Variants in DBH observed in about 807,000 individuals in gnomAD.
DBH encodes dopamine beta-hydroxylase.
DBH carries 49 observed loss-of-function variants against 64.0 expected under a neutral mutation model. That is an observed-to-expected ratio of 0.77 (90% CI 0.61 to 0.97). The LOEUF is 0.97. Among genes scored for constraint, DBH ranks in the 50% least tolerant of loss-of-function variants. The pLI is 0.00. For synonymous variants in DBH, 343 were observed against 347.1 expected (o/e 0.99, Z 0.13); for missense variants, 828 against 826.6 (o/e 1.00, Z -0.02).
intron 1 of DBH, among the ~76,000 whole-genome samples, chr9:133,638,625 C>G (rs149770467): frequency 1.8e-3 from 280 of 152,072 alleles, no homozygotes; most frequent in African/African-American, 6.4e-3. Context: ...GTGTGAGAGT[C>G]AGGTGGAGGA....
chr9:133,643,695 C>T lies in DBH; in HGVS notation c.921+106C>T. ...GTCTCAGAGGCTTCAAGAAGGGGCT[C>T]CCAAGGGGGCTCACGAGGCCACCAG... On this transcript the variant is annotated intron_variant, in intron 4 of 11. Coordinates refer to ENST00000393056, the MANE Select transcript of DBH (RefSeq NM_000787.4). The surrounding 1 kb of genome is among the most constrained non-coding windows in gnomAD (Gnocchi z 5.3). The T allele has an allele frequency of 7.4e-7, 1 of 1,351,142 alleles. No homozygotes were observed. The highest frequency in any genetic ancestry group is 1.0e-6 in the Non-Finnish European group (1 of 977,296). The allele number at this position is 1,351,142 out of a possible 1,614,324, so 83.7% of individuals were successfully genotyped here. A position where few individuals can be genotyped will look rare whatever the true frequency, so the allele number is the denominator to read the frequency against.
At chr9:133,647,352 C>T (rs943079943) in intron 5 of DBH, among the ~76,000 whole-genome samples, 1 of 152,220 alleles carries the variant, frequency 6.6e-6, no homozygotes, top group Non-Finnish European at 1.5e-5. Context: ...GTTCCATGCC[C>T]TCTTCTTTGC....
rs766830763 is a variant in DBH, at chr9:133,636,633, G to C, written c.262G>C (p.Gly88Arg). 3 of 1,613,088 alleles carry C rather than the reference G, an allele frequency of 1.9e-6. No homozygotes were observed. Among genetic ancestry groups the C allele is most frequent in the Non-Finnish European group, 8.5e-7 (1 of 1,180,020 alleles). Residue 88 changes from glycine to arginine, a missense_variant, in exon 1 of 12, where the codon GGG becomes CGG. Gly to Arg is a moderately radical substitution (Grantham distance 125). Coordinates refer to ENST00000393056, the MANE Select transcript of DBH (RefSeq NM_000787.4). ...VRRLKAGVLFGMSDRGELENA... is the reference protein window; with the variant it reads ...VRRLKAGVLFRMSDRGELENA... ...GAGGCTCAAGGCTGGCGTCCTGTTT[G>C]GGATGTCCGACCGTGGCGAGCTTGA... is the stretch of plus-strand genomic sequence containing the variant.
chr9:133,648,209 C>T (rs527690097), intron 6 of DBH, among the ~76,000 whole-genome samples, 197 bp downstream of exon 6: 5 of 152,328 alleles, frequency 3.3e-5, no homozygotes, highest in African/African-American at 1.2e-4. Flanking sequence ...GTATGCACCT[C>T]CCTCTCCAGC....
At chr9:133,646,691 T>C (rs1332863270) in intron 5 of DBH, among the ~76,000 whole-genome samples, 1 of 151,640 alleles carries the variant, frequency 6.6e-6, no homozygotes, top group East Asian at 1.9e-4. Flanking sequence ...ACCTGGCTAA[T>C]TTTTGTATTT....
At position 133,656,516 on chromosome 9, in the gene DBH, C is replaced by G. The variant is rs1832321582; in HGVS notation, c.1435-7C>G. On this transcript the variant is annotated splice_polypyrimidine_tract_variant and splice_region_variant and intron_variant, in intron 9 of 11. Coordinates refer to ENST00000393056, the MANE Select transcript of DBH (RefSeq NM_000787.4). ...CCCGGGGCTGACGGGTCTCCTCCAA[C>G]TTGCAGGGGGGCTTCGGGATCCTGG... is the stretch of plus-strand genomic sequence containing the variant. 1 of 1,613,698 alleles carries G rather than the reference C, an allele frequency of 6.2e-7. No individual in the cohort carries two copies.
intron 1 of DBH, among the ~76,000 whole-genome samples, chr9:133,637,823 G>T (rs181360234): frequency 6.5e-4 from 99 of 152,360 alleles, no homozygotes; most frequent in African/African-American, 2.4e-3. Context: ...CACCCAGGTA[G>T]GGTGAGTGGA....
At chr9:133,650,601 G>T (rs1341931751) in intron 6 of DBH, among the ~76,000 whole-genome samples, 1 of 134,628 alleles carries the variant, frequency 7.4e-6, no homozygotes, top group Non-Finnish European at 1.5e-5. Flanking sequence ...AGGCTGCAGT[G>T]CAATGGCACA....
At chr9:133,656,705 C>A in intron 10 of DBH, 55 bp downstream of exon 10, 1 of 1,603,218 alleles carries the variant, frequency 6.2e-7, no homozygotes, top group Admixed American at 1.7e-5. Context: ...CACAGAACCT[C>A]GGGCCTGTTA....
intron 9 of DBH, 113 bp from the exon 10 acceptor site, chr9:133,656,410 G>A (rs1049704448): frequency 9.0e-6 from 13 of 1,446,074 alleles, no homozygotes; most frequent in African/African-American, 4.2e-5. Flanking sequence ...TGCCTGGCAC[G>A]GTGCAGTGAA....
In DBH at chr9:133,656,789, C is replaced by T. The variant is rs988649326; in HGVS notation, c.1562+139C>T. On this transcript the variant is annotated intron_variant, in intron 10 of 11. Coordinates refer to ENST00000393056, the MANE Select transcript of DBH (RefSeq NM_000787.4). ...ACCTGTGGCGGCATCACTCACCCCT[C>T]CCCTCACTCGTTTCCTGCTGAGTCT... 36 of 1,158,940 alleles carry T rather than the reference C, an allele frequency of 3.1e-5. No individual in the cohort carries two copies. The Middle Eastern group carries it at 8.3e-4, about 27-fold the overall frequency. 71.8% of individuals were successfully genotyped at this position (1,158,940 alleles called of 1,614,324 possible).
At position 133,651,420 on chromosome 9, in the gene DBH, T is replaced by G. The variant is rs547016271; in HGVS notation, c.1192-214T>G. Among the ~76,000 whole-genome samples, 10 of 152,312 alleles carry G rather than the reference T, an allele frequency of 6.6e-5. No homozygotes were observed. The East Asian group carries it at 7.7e-4, about 12-fold the overall frequency. ...CTCCTGAGTGGGACTAGGGGCTGCT[T>G]CTTTGGGAGCTGGGGGCTGTTGCGG... On this transcript the variant is annotated intron_variant, in intron 6 of 11. Transcript: ENST00000393056.
At position 133,643,674 on chromosome 9, in the gene DBH, C is replaced by T; in HGVS notation, c.921+85C>T. On this transcript the variant is annotated intron_variant, in intron 4 of 11. Coordinates refer to ENST00000393056, the MANE Select transcript of DBH (RefSeq NM_000787.4). This position sits in a 1 kb window ranked among gnomAD's most constrained non-coding sequence, Gnocchi z 5.3. ...CTCTGTTTCCCCAGCTTCACCGTCT[C>T]AGAGGCTTCAAGAAGGGGCTCCCAA... The T allele has an allele frequency of 6.6e-7, 1 of 1,518,370 alleles. No homozygotes were observed. 94.1% of individuals were successfully genotyped at this position (1,518,370 alleles called of 1,614,324 possible).
rs151115868 is a variant in DBH at position 133,659,291 on chromosome 9, C to A, written c.*844C>A. 1.3e-5 allele frequency: 2 copies of A among 152,222 alleles called. No individual in the cohort carries two copies. The highest frequency in any genetic ancestry group is 2.9e-5 in the Non-Finnish European group (2 of 68,070). The allele number at this position is 152,222 out of a possible 1,614,324, so 9.4% of individuals were successfully genotyped here. A position where few individuals can be genotyped will look rare whatever the true frequency, so the allele number is the denominator to read the frequency against. ...TCTGTAAAACCAGGCTGATGCCGTG[C>A]GGGCTAATGAGCCAATAAAGCTCAC... On this transcript the variant is annotated 3_prime_UTR_variant, in exon 12 of 12. Transcript: ENST00000393056.
chr9:133,653,280 G>C (rs1832273723), intron 9 of DBH, among the ~76,000 whole-genome samples: 1 of 152,132 alleles, frequency 6.6e-6, no homozygotes, highest in African/African-American at 2.4e-5. Flanking sequence ...GTTGACCCCT[G>C]CTCAAGGTTG....
At chr9:133,658,083 G>A (rs1354255544) in intron 11 of DBH, among the ~76,000 whole-genome samples, 1 of 152,068 alleles carries the variant, frequency 6.6e-6, no homozygotes, top group African/African-American at 2.4e-5. Flanking sequence ...CAGAGGCGGG[G>A]AGAGGCCTGG....
chr9:133,651,556 C>T, intron 6 of DBH, 78 bp from the exon 7 acceptor site: 1 of 1,585,998 alleles, frequency 6.3e-7, no homozygotes, highest in Non-Finnish European at 8.6e-7. Flanking sequence ...GGTGGCTGCT[C>T]CCTACCGGGT....
chr9:133,638,622 A>G (rs1205588869), intron 1 of DBH, among the ~76,000 whole-genome samples: 1 of 152,038 alleles, frequency 6.6e-6, no homozygotes, highest in Admixed American at 6.6e-5. Flanking sequence ...GGGGTGTGAG[A>G]GTCAGGTGGA....
intron 5 of DBH, among the ~76,000 whole-genome samples, chr9:133,645,902 G>C (rs1038517288): frequency 5.9e-5 from 9 of 152,168 alleles, no homozygotes; most frequent in Non-Finnish European, 1.0e-4. Flanking sequence ...TTCCATGAAA[G>C]GGGTAGGTTA....
Sources: allele counts gnomAD v4.1 joint callset (sites outside exome capture counted in the v4.1 genomes callset), GRCh38; gene constraint gnomAD v4.1.1; non-coding constraint Gnocchi (gnomAD v3.1); transcripts MANE v1.5; gene names NCBI Gene and HGNC (gene_info 2026-07-23, HGNC 2026-07-21).